Variants in SEC16A observed in about 807,000 individuals in gnomAD.
SEC16A encodes the protein SEC16 homolog A, endoplasmic reticulum export factor.
A neutral mutation model predicts 221.9 loss-of-function variants in SEC16A; 110 were observed. That is an observed-to-expected ratio of 0.50 (90% CI 0.42 to 0.58). The LOEUF (loss-of-function observed/expected upper bound fraction) is 0.58, where lower values mean the gene tolerates loss of function less well. SEC16A is among the 20% of genes least tolerant of loss of function. The pLI is 0.00. For missense variants in SEC16A, 3,165 were observed against 3,097.8 expected (o/e 1.02, Z -0.52); for synonymous variants, 1,393 against 1,257.7 (o/e 1.11, Z -2.28).
chr9:136,460,835 C>A (rs1839375679), intron 13 of SEC16A, among the ~76,000 whole-genome samples: 1 of 152,074 alleles, frequency 6.6e-6, no homozygotes, highest in African/African-American at 2.4e-5. Context: ...ATCACTTGAA[C>A]CTGGGAGGCA....
Position 136,456,056 on chromosome 9 carries a change from A to T in SEC16A, c.5661T>A (p.Ile1887=). ...LVHLQQVERQ[I]KEGAGVWHQD... is the part of the protein sequence containing the mutation. Reference sequence around the variant, plus strand: ...CCACCCCAAGCCAAGGCTGTACCTTAATCTGCCGCTCCACCTGCTGCAGGT... The same window carrying T: ...CCACCCCAAGCCAAGGCTGTACCTTTATCTGCCGCTCCACCTGCTGCAGGT... Residue 1887 remains isoleucine (I), a synonymous_variant, in exon 19 of 32, where the codon ATT becomes ATA. Coordinates refer to ENST00000684901, the MANE Select transcript of SEC16A (RefSeq NM_014866.2). 1 of 1,611,254 alleles carries T rather than the reference A, an allele frequency of 6.2e-7. No individual in the cohort carries two copies. The highest frequency in any genetic ancestry group is 8.5e-7 in the Non-Finnish European group (1 of 1,178,086).
Position 136,459,711 on chromosome 9 carries a change from G to A in SEC16A, c.5191+46C>T, listed in dbSNP as rs753901638. The A allele has an allele frequency of 3.3e-6, 5 of 1,499,272 alleles. No individual in the cohort carries two copies. Among genetic ancestry groups the A allele is most frequent in the Non-Finnish European group, 4.6e-6 (5 of 1,097,732 alleles). The allele number at this position is 1,499,272 out of a possible 1,614,324, so 92.9% of individuals were successfully genotyped here. On this transcript the variant is annotated intron_variant, in intron 15 of 31. Coordinates refer to ENST00000684901, the MANE Select transcript of SEC16A (RefSeq NM_014866.2). This position sits in a 1 kb window ranked among gnomAD's most constrained non-coding sequence, Gnocchi z 6.1. ...AACGCCACAGACAACCGGGCCTTCG[G>A]CGCTCCATCCGCGACACCCAATGCC...
At chr9:136,470,937 G>A (rs952281759) in intron 4 of SEC16A, among the ~76,000 whole-genome samples, 4 of 152,164 alleles carry the variant, frequency 2.6e-5, no homozygotes, top group Non-Finnish European at 4.4e-5. Flanking sequence ...CCTGGAAGGC[G>A]CAGCCTAGCG....
At chr9:136,441,935 G>A (rs982636175) in intron 31 of SEC16A, 112 bp from the exon 32 acceptor site, 21 of 883,058 alleles carry the variant, frequency 2.4e-5, no homozygotes, top group Admixed American at 1.9e-4. Flanking sequence ...GGCCATTGGC[G>A]CTGACAAGCT....
upstream of SEC16A, chr9:136,484,692 C>T (rs752649877): frequency 1.5e-6 from 2 of 1,366,490 alleles, no homozygotes; most frequent in Non-Finnish European, 2.0e-6. Flanking sequence ...GGGCCGCAGG[C>T]GGTGCAGGGA....
chr9:136,477,787 T>C, intron 2 of SEC16A, 103 bp from the exon 3 acceptor site: 1 of 1,198,320 alleles, frequency 8.3e-7, no homozygotes, highest in Non-Finnish European at 1.1e-6. Context: ...CATGATTTTA[T>C]GTCACTTAAA....
chr9:136,446,529 T>G (rs978719553), intron 28 of SEC16A, among the ~76,000 whole-genome samples: 9 of 152,156 alleles, frequency 5.9e-5, no homozygotes, highest in African/African-American at 2.2e-4. Flanking sequence ...GTAATTAATT[T>G]TACTTTTTCC....
intron 12 of SEC16A, among the ~76,000 whole-genome samples, chr9:136,462,608 C>T (rs932913855): frequency 6.6e-6 from 1 of 152,214 alleles, no homozygotes. Flanking sequence ...AGCAGGGGCA[C>T]GGCCTGTGCT....
At chr9:136,444,272 CTT>C (rs1348331391) in intron 30 of SEC16A, among the ~76,000 whole-genome samples, 5 of 152,246 alleles carry the variant, frequency 3.3e-5, no homozygotes, top group African/African-American at 1.2e-4. Context: ...CGCTGCAAGC[CTT>C]TCTGCTGAGC....
chr9:136,480,388 G>A (rs772394919), intron 1 of SEC16A, among the ~76,000 whole-genome samples: 11 of 152,310 alleles, frequency 7.2e-5, no homozygotes, highest in East Asian at 1.9e-4. Flanking sequence ...CACAGAGCAC[G>A]GGCCTAGAGG....
chr9:136,454,974 T>C (rs1172667609), intron 20 of SEC16A, among the ~76,000 whole-genome samples: 1 of 152,046 alleles, frequency 6.6e-6, no homozygotes, highest in African/African-American at 2.4e-5. Context: ...GCAGGAGGGC[T>C]CAGGGCCAAG....
chr9:136,463,149 G>T lies in SEC16A; in HGVS notation c.4648-17C>A. The T allele has an allele frequency of 6.2e-7, 1 of 1,605,718 alleles. No homozygotes were observed. The highest frequency in any genetic ancestry group is 1.1e-5 in the South Asian group (1 of 91,024). On this transcript the variant is annotated splice_polypyrimidine_tract_variant and intron_variant, in intron 11 of 31. Transcript: ENST00000684901. The stretch of plus-strand genomic sequence containing the variant: ...TACCACGGTCTGTTTGGGTCAACAG[G>T]AACAGGAAGGAGAACAACGGCTCTC...
chr9:136,471,970 C>T lies in SEC16A; in HGVS notation c.3704+5G>A, dbSNP rs759585332. 13 of 1,610,998 alleles carry T rather than the reference C, an allele frequency of 8.1e-6. No homozygotes were observed. Among genetic ancestry groups the T allele is most frequent in the African/African-American group, 6.7e-5 (5 of 74,928 alleles). Reference sequence around the variant, plus strand: ...GAGAGGCAGCCAGGGTGGGCGCGGCCGCACCTGGGAGGTGGCCGTTCCGAG... The same window carrying T: ...GAGAGGCAGCCAGGGTGGGCGCGGCTGCACCTGGGAGGTGGCCGTTCCGAG... On this transcript the variant is annotated splice_donor_5th_base_variant and intron_variant, in intron 4 of 31. Transcript: ENST00000684901.
chr9:136,452,724 C>T (rs1488610108), intron 22 of SEC16A, among the ~76,000 whole-genome samples: 5 of 143,238 alleles, frequency 3.5e-5, no homozygotes, highest in Non-Finnish European at 7.5e-5. Context: ...CAAGATGGCG[C>T]CACTGCATTC....
At chr9:136,483,479 G>A, upstream of SEC16A, 1 of 518,912 alleles carries the variant, frequency 1.9e-6, no homozygotes, top group Non-Finnish European at 2.2e-6. Flanking sequence ...CCGTGGCCCC[G>A]CCCCCCTCCG....
At position 136,474,578 on chromosome 9, in the gene SEC16A, T is replaced by C; in HGVS notation, c.3038A>G (p.His1013Arg). The C allele has an allele frequency of 6.2e-7, 1 of 1,612,888 alleles. No individual in the cohort carries two copies. Among genetic ancestry groups the C allele is most frequent in the South Asian group, 1.1e-5 (1 of 91,040 alleles). The change falls in exon 3 of 32, where the codon CAT becomes CGT. Residue 1013 changes from histidine to arginine, a missense_variant. His to Arg is a conservative substitution (Grantham distance 29). Around this residue, in one of 3 missense-constraint regions of SEC16A, gnomAD observed 2,030 missense variants for 1,923.1 expected, o/e 1.06. Transcript: ENST00000684901. ...ENPVNVYNPS[H>R]SDSLASQQSV... ...TTGCTGAGAAGCGAGGCTGTCAGAA[T>C]GGGACGGGTTGTACACGTTTACAGG... is the stretch of plus-strand genomic sequence containing the variant.
chr9:136,459,375 C>A lies in SEC16A; in HGVS notation c.5303+69G>T. 2 of 1,426,984 alleles carry A rather than the reference C, an allele frequency of 1.4e-6. No individual in the cohort carries two copies. Among genetic ancestry groups the A allele is most frequent in the Non-Finnish European group, 1.9e-6 (2 of 1,033,520 alleles). The allele number at this position is 1,426,984 out of a possible 1,614,324, so 88.4% of individuals were successfully genotyped here. A position where few individuals can be genotyped will look rare whatever the true frequency, so the allele number is the denominator to read the frequency against. On this transcript the variant is annotated intron_variant, in intron 16 of 31. Transcript: ENST00000684901. The surrounding 1 kb of genome is among the most constrained non-coding windows in gnomAD (Gnocchi z 6.1). ...ATGATTCTGGCCATTTCTGAATTCA[C>A]TAAAGGAGAAGGATTTTGTTTTACT...
chr9:136,463,159 G>C, intron 11 of SEC16A, 27 bp from the exon 12 acceptor site: 1 of 1,603,662 alleles, frequency 6.2e-7, no homozygotes, highest in South Asian at 1.1e-5. Flanking sequence ...GAACAGGAAG[G>C]AGAACAACGG....
At chr9:136,457,182 G>T (rs961701048) in intron 18 of SEC16A, among the ~76,000 whole-genome samples, 6 of 152,326 alleles carry the variant, frequency 3.9e-5, no homozygotes, top group African/African-American at 1.4e-4. Flanking sequence ...CTCAATAAAA[G>T]AAGAGTATCC....
Sources: allele counts gnomAD v4.1 joint callset (sites outside exome capture counted in the v4.1 genomes callset), GRCh38; gene constraint gnomAD v4.1.1; regional missense constraint gnomAD v4.1.1; non-coding constraint Gnocchi (gnomAD v3.1); transcripts MANE v1.5; gene names NCBI Gene and HGNC (gene_info 2026-07-23, HGNC 2026-07-21).